The following UBE2R2 variants were observed in gnomAD, a reference collection of about 807,000 sequenced individuals.
The protein encoded by UBE2R2 is ubiquitin-conjugating enzyme E2 R2.
UBE2R2 carries 1 observed loss-of-function variant against 27.8 expected under a neutral mutation model. The observed-to-expected ratio is 0.04, with a 90% CI of 0.01 to 0.17. UBE2R2 has a LOEUF of 0.17. Ranked by LOEUF, UBE2R2 falls within the 10% of genes least tolerant of loss-of-function variation. The pLI is 1.00. For missense variants in UBE2R2, 100 were observed against 291.0 expected (o/e 0.34, Z 4.78); for synonymous variants, 106 against 113.3 (o/e 0.94, Z 0.41).
intron 3 of UBE2R2, among the ~76,000 whole-genome samples, chr9:33,906,530 G>A (rs1822359841): frequency 6.6e-6 from 1 of 152,090 alleles, no homozygotes; most frequent in South Asian, 2.1e-4. Flanking sequence ...GTGCCAGTCT[G>A]TAATCCTTCA....
intron 1 of UBE2R2, among the ~76,000 whole-genome samples, chr9:33,819,787 C>T (rs565482479): frequency 1.3e-5 from 2 of 152,196 alleles, no homozygotes; most frequent in South Asian, 2.1e-4. Context: ...TACAGGCGCA[C>T]GCCACCACGC....
At chr9:33,894,398 A>G (rs560275346) in intron 2 of UBE2R2, among the ~76,000 whole-genome samples, 14 of 152,122 alleles carry the variant, frequency 9.2e-5, no homozygotes, top group Admixed American at 1.3e-4. Context: ...GGCCATTTGT[A>G]TACCTTCTTT....
intron 1 of UBE2R2, among the ~76,000 whole-genome samples, chr9:33,883,275 T>C (rs917973427): frequency 1.3e-5 from 2 of 152,156 alleles, no homozygotes; most frequent in African/African-American, 4.8e-5. Context: ...TTGTTGACAC[T>C]GTCTACCTGG....
At chr9:33,840,631 T>A (rs578191487) in intron 1 of UBE2R2, among the ~76,000 whole-genome samples, 1 of 152,272 alleles carries the variant, frequency 6.6e-6, no homozygotes, top group South Asian at 2.1e-4. Flanking sequence ...GAAGTCTGGT[T>A]TTCTCTTTTT....
At chr9:33,834,123 A>G (rs1328411277) in intron 1 of UBE2R2, among the ~76,000 whole-genome samples, 2 of 151,700 alleles carry the variant, frequency 1.3e-5, no homozygotes, top group Admixed American at 6.6e-5. Context: ...AGAGTCCCAC[A>G]GTAGTTACTT....
chr9:33,905,327 A>C (rs1320376594), intron 3 of UBE2R2, among the ~76,000 whole-genome samples: 1 of 152,188 alleles, frequency 6.6e-6, no homozygotes, highest in Non-Finnish European at 1.5e-5. Flanking sequence ...CATCACCCCT[A>C]GCATTGGGTG....
At chr9:33,915,845 A>G (rs1822628314) in intron 4 of UBE2R2, among the ~76,000 whole-genome samples, 1 of 152,078 alleles carries the variant, frequency 6.6e-6, no homozygotes. Context: ...TGGCTGCTTT[A>G]AATTGGGTTG....
At chr9:33,848,216 T>C (rs564291718) in intron 1 of UBE2R2, among the ~76,000 whole-genome samples, 1 of 152,126 alleles carries the variant, frequency 6.6e-6, no homozygotes, top group Non-Finnish European at 1.5e-5. Flanking sequence ...TTTGTGCAAT[T>C]TTTTCTTCTA....
intron 1 of UBE2R2, among the ~76,000 whole-genome samples, chr9:33,855,593 G>A (rs1821083649): frequency 6.6e-6 from 1 of 152,190 alleles, no homozygotes; most frequent in African/African-American, 2.4e-5. Flanking sequence ...CACAAAATCA[G>A]CATTGATCAT....
chr9:33,817,719 G>A lies in UBE2R2; in HGVS notation c.-39G>A. On this transcript the variant is annotated 5_prime_UTR_variant, in exon 1 of 5. Coordinates refer to ENST00000263228, the MANE Select transcript of UBE2R2 (RefSeq NM_017811.4). ...CGGCCCGGCCGGTGCGTGAGGACTG[G>A]GGCCCGGGCCCGGCGCCGCCGCCGC... 1.4e-6 allele frequency: 2 copies of A among 1,464,128 alleles called. No individual in the cohort carries two copies. Among genetic ancestry groups the A allele is most frequent in the Non-Finnish European group, 1.8e-6 (2 of 1,105,684 alleles). 90.7% of individuals were successfully genotyped at this position (1,464,128 alleles called of 1,614,324 possible).
intron 1 of UBE2R2, among the ~76,000 whole-genome samples, chr9:33,868,261 C>T (rs1285908000): frequency 6.6e-6 from 1 of 151,910 alleles, no homozygotes; most frequent in Non-Finnish European, 1.5e-5. Context: ...TTTATGGGCA[C>T]AGGATAGGGG....
chr9:33,917,301 G>C lies in UBE2R2; in HGVS notation c.*64G>C. 1 of 1,595,802 alleles carries C rather than the reference G, an allele frequency of 6.3e-7. No individual in the cohort carries two copies. On this transcript the variant is annotated 3_prime_UTR_variant, in exon 5 of 5. Coordinates refer to ENST00000263228, the MANE Select transcript of UBE2R2 (RefSeq NM_017811.4). ...AGGCCAAAGGGAGGGGAGCAAGTGG[G>C]GACCTGGCCATGGCCCCTCAGCAAA...
chr9:33,853,774 A>ATT (rs749498528), intron 1 of UBE2R2, among the ~76,000 whole-genome samples: 351 of 112,196 alleles, frequency 3.1e-3, no homozygotes, highest in Middle Eastern at 5.0e-3. Flanking sequence ...CTTCCTTCCA[A>ATT]TTTTTTTTTT....
intron 1 of UBE2R2, among the ~76,000 whole-genome samples, chr9:33,818,281 C>T (rs922068278): frequency 7.9e-5 from 12 of 150,956 alleles, no homozygotes; most frequent in African/African-American, 2.9e-4. Flanking sequence ...TTTTCGTTCT[C>T]CGGTCGGAAC....
chr9:33,828,631 G>A (rs1341988797), intron 1 of UBE2R2, among the ~76,000 whole-genome samples: 8 of 151,812 alleles, frequency 5.3e-5, no homozygotes, highest in Non-Finnish European at 7.4e-5. Flanking sequence ...GTGCGAGCTC[G>A]GCTCACTGCA....
chr9:33,890,788 C>A (rs1298224048), intron 2 of UBE2R2, among the ~76,000 whole-genome samples: 2 of 152,078 alleles, frequency 1.3e-5, no homozygotes, highest in African/African-American at 4.8e-5. Context: ...CCAGCCTGGG[C>A]GACAGAGCAA....
intron 1 of UBE2R2, among the ~76,000 whole-genome samples, chr9:33,848,675 C>A (rs1202662213): frequency 6.6e-6 from 1 of 151,424 alleles, no homozygotes; most frequent in East Asian, 1.9e-4. Flanking sequence ...GATCTCGGCT[C>A]GCTGCAACCT....
At chr9:33,872,618 C>T (rs916164600) in intron 1 of UBE2R2, among the ~76,000 whole-genome samples, 2 of 151,914 alleles carry the variant, frequency 1.3e-5, no homozygotes, top group African/African-American at 4.8e-5. Context: ...GAAACCCCGT[C>T]TCTACTAAAA....
chr9:33,815,891 G>A (rs1825743716), upstream of UBE2R2, among the ~76,000 whole-genome samples: 1 of 152,154 alleles, frequency 6.6e-6, no homozygotes, highest in Non-Finnish European at 1.5e-5. Context: ...CTTGTGTTGG[G>A]TATAATTAAT....
Sources: allele counts gnomAD v4.1 joint callset (sites outside exome capture counted in the v4.1 genomes callset), GRCh38; gene constraint gnomAD v4.1.1; transcripts MANE v1.5; gene names NCBI Gene and HGNC (gene_info 2026-07-23, HGNC 2026-07-21).